PROKR1: variants seen among roughly 807,000 people sequenced by gnomAD.
The protein encoded by PROKR1 is G protein-coupled receptor 73.
A neutral mutation model predicts 22.8 loss-of-function variants in PROKR1; 21 were observed. The observed-to-expected ratio is 0.92, with a 90% CI of 0.65 to 1.32. PROKR1 has a LOEUF of 1.32. Among genes scored for constraint, PROKR1 ranks in the 40% most tolerant of loss-of-function variants. The pLI is 0.00. For missense variants in PROKR1, 548 were observed against 514.2 expected (o/e 1.07, Z -0.64); for synonymous variants, 193 against 207.5 (o/e 0.93, Z 0.60).
chr2:68,655,455 A>G lies in PROKR1; in HGVS notation c.1061A>G (p.Lys354Arg), dbSNP rs200051519. The change falls in exon 3 of 3, where the codon AAA becomes AGA. Residue 354 changes from lysine to arginine, a missense_variant. By Grantham distance (26) the Lys-to-Arg change is conservative (BLOSUM62 2). Coordinates refer to ENST00000303786, the MANE Select transcript of PROKR1 (RefSeq NM_138964.4). ...AAGAACGACACCGTCAAGTACTTCA[A>G]AAAGATCATGTTGCTCCACTGGAAG... is the stretch of plus-strand genomic sequence containing the variant. ...TVKNDTVKYFKKIMLLHWKAS... is the reference protein window; with the variant it reads ...TVKNDTVKYFRKIMLLHWKAS... 5.3e-5 allele frequency: 85 copies of G among 1,614,048 alleles called. No homozygotes were observed. Among genetic ancestry groups the G allele is most frequent in the Non-Finnish European group, 6.9e-5 (82 of 1,179,980 alleles).
At chr2:68,649,550 T>C (rs1035303517) in intron 2 of PROKR1, 5 of 152,234 alleles carry the variant, frequency 3.3e-5, no homozygotes, top group Non-Finnish European at 5.9e-5. Flanking sequence ...AACTCCTTGC[T>C]TTCCTGGAGC....
chr2:68,643,964 T>A (rs998042416), intron 1 of PROKR1, 116 bp downstream of exon 1: 3 of 152,404 alleles, frequency 2.0e-5, no homozygotes, highest in African/African-American at 7.2e-5. Context: ...GATTCACTCC[T>A]GTGAGTTTCT....
rs1414775113 is a variant in PROKR1 at position 68,649,800 on chromosome 2, A to G, written c.485+3494A>G. Among the ~76,000 whole-genome samples, 3 of 152,208 alleles carry G rather than the reference A, an allele frequency of 2.0e-5. No individual in the cohort carries two copies. In the East Asian group the frequency reaches 5.8e-4, roughly 29 times the overall value. ...TGGGAAGACAGGGAGCAAGCATCCC[A>G]GACAAGGGGGATTGTAAGTGAAAAG... On this transcript the variant is annotated intron_variant, in intron 2 of 2. Coordinates refer to ENST00000303786, the MANE Select transcript of PROKR1 (RefSeq NM_138964.4).
At position 68,645,579 on chromosome 2, in the gene PROKR1, A is replaced by AATT. The variant is rs1573332018; in HGVS notation, c.-160-83_-160-82insATT. On this transcript the variant is annotated intron_variant, in intron 1 of 2. Coordinates refer to ENST00000303786, the MANE Select transcript of PROKR1 (RefSeq NM_138964.4). ...TGTTCACTCTGGGCAGGGAGCTAAT[A>AATT]GGTCTGCTTAGGTTACAGGGTGGTT... 1.0e-5 allele frequency: 6 copies of AATT among 584,278 alleles called. No individual in the cohort carries two copies. The East Asian group carries it at 1.7e-4, about 17-fold the overall frequency. 36.2% of individuals were successfully genotyped at this position (584,278 alleles called of 1,614,324 possible).
intron 2 of PROKR1, among the ~76,000 whole-genome samples, chr2:68,650,524 G>C (rs1673293976): frequency 1.3e-5 from 2 of 152,188 alleles, no homozygotes; most frequent in South Asian, 4.1e-4. Flanking sequence ...GTGAGCCACT[G>C]TGTCCAGCCA....
rs1271648099 is a variant in PROKR1 at position 68,656,312 on chromosome 2, C to T, written c.*736C>T. On this transcript the variant is annotated 3_prime_UTR_variant, in exon 3 of 3. Transcript: ENST00000303786. ...CTGGAGTAAGTCCAGAGGGGGAAGC[C>T]TGGATTCAGGGTAAGCATGTCCCCT... 1 of 152,976 alleles carries T rather than the reference C, an allele frequency of 6.5e-6. No homozygotes were observed. The highest frequency in any genetic ancestry group is 1.5e-5 in the Non-Finnish European group (1 of 68,704). 9.5% of individuals were successfully genotyped at this position (152,976 alleles called of 1,614,324 possible).
chr2:68,649,521 C>T (rs1673264934), intron 2 of PROKR1: 1 of 152,118 alleles, frequency 6.6e-6, no homozygotes, highest in South Asian at 2.1e-4. Flanking sequence ...GGAGATACGA[C>T]AGTGAATAAG....
Position 68,654,986 on chromosome 2 carries a change from G to C in PROKR1, c.592G>C (p.Ala198Pro). The change falls in exon 3 of 3, where the codon GCC becomes CCC. Residue 198 changes from alanine (A) to proline (P), a missense_variant. Transcript: ENST00000303786. ...GTCCATCCTGATCGCCATCCCTTCC[G>C]CCTACTTCACCACCGAGACGGTCCT... ...TVSILIAIPSAYFTTETVLVI... is the reference protein window; with the variant it reads ...TVSILIAIPSPYFTTETVLVI... 6.2e-7 allele frequency: 1 copy of C among 1,612,034 alleles called. No homozygotes were observed. Among genetic ancestry groups the C allele is most frequent in the Non-Finnish European group, 8.5e-7 (1 of 1,179,564 alleles).
At chr2:68,647,097 G>GA (rs34291844) in intron 2 of PROKR1, among the ~76,000 whole-genome samples, 12,056 of 151,218 alleles carry the variant, frequency 0.08, 525 homozygotes, top group Middle Eastern at 0.11. Flanking sequence ...GATTTGTTTT[G>GA]AAAAAAAAGG....
chr2:68,653,275 G>T (rs910507196), intron 2 of PROKR1, among the ~76,000 whole-genome samples: 1 of 152,202 alleles, frequency 6.6e-6, no homozygotes, highest in Non-Finnish European at 1.5e-5. Context: ...TCGGCCGGGC[G>T]TCCAGAGTGG....
intron 2 of PROKR1, among the ~76,000 whole-genome samples, chr2:68,651,132 C>T (rs983237403): frequency 7.9e-5 from 12 of 151,930 alleles, no homozygotes; most frequent in Non-Finnish European, 7.4e-5. Context: ...GAGCCCTAGG[C>T]GGGAAGATCC....
At chr2:68,651,242 A>AG (rs1673318418) in intron 2 of PROKR1, among the ~76,000 whole-genome samples, 1 of 152,162 alleles carries the variant, frequency 6.6e-6, no homozygotes, top group Non-Finnish European at 1.5e-5. Context: ...ATGTGCCTGT[A>AG]GTCCCAGCTA....
At position 68,655,936 on chromosome 2, in the gene PROKR1, A is replaced by G. The variant is rs968061634; in HGVS notation, c.*360A>G. On this transcript the variant is annotated 3_prime_UTR_variant, in exon 3 of 3. Coordinates refer to ENST00000303786, the MANE Select transcript of PROKR1 (RefSeq NM_138964.4). ...AACTGGAGTAGGTATCTAGGATTGC[A>G]GTACATGTGTTCGTAGTGTGAGAGT... The G allele has an allele frequency of 1.4e-5, 5 of 356,306 alleles. No individual in the cohort carries two copies. The highest frequency in any genetic ancestry group is 4.2e-5 in the Admixed American group (1 of 23,812). The allele number at this position is 356,306 out of a possible 1,614,324, so 22.1% of individuals were successfully genotyped here. A position where few individuals can be genotyped will look rare whatever the true frequency, so the allele number is the denominator to read the frequency against.
intron 2 of PROKR1, among the ~76,000 whole-genome samples, chr2:68,652,402 C>T (rs80018406): frequency 0.062 from 9,468 of 152,246 alleles, 332 homozygotes; most frequent in Middle Eastern, 0.16. Flanking sequence ...TCATTTTCTG[C>T]AATTTACCTA....
intron 1 of PROKR1, among the ~76,000 whole-genome samples, chr2:68,644,656 G>T (rs1423437738): frequency 6.6e-6 from 1 of 152,168 alleles, no homozygotes; most frequent in African/African-American, 2.4e-5. Flanking sequence ...ACTCTGGCTT[G>T]CATTCTTCCC....
At position 68,655,816 on chromosome 2, in the gene PROKR1, T is replaced by C; in HGVS notation, c.*240T>C. The stretch of plus-strand genomic sequence containing the variant: ...CGCCAGTAGGTACTGGTAAAACCTA[T>C]ATATGTTGATGACATTTAGTTGGCA... On this transcript the variant is annotated 3_prime_UTR_variant, in exon 3 of 3. Coordinates refer to ENST00000303786, the MANE Select transcript of PROKR1 (RefSeq NM_138964.4). 3.6e-6 allele frequency: 2 copies of C among 557,682 alleles called. No individual in the cohort carries two copies. The highest frequency in any genetic ancestry group is 6.4e-6 in the Non-Finnish European group (2 of 310,528). The allele number at this position is 557,682 out of a possible 1,614,324, so 34.5% of individuals were successfully genotyped here.
chr2:68,643,997 C>T (rs1044710497), intron 1 of PROKR1, 149 bp downstream of exon 1: 1 of 152,364 alleles, frequency 6.6e-6, no homozygotes, highest in Non-Finnish European at 1.5e-5. Flanking sequence ...GGCTTCCCCT[C>T]CTCTGTCCTT....
At chr2:68,648,687 G>A (rs568984142) in intron 2 of PROKR1, among the ~76,000 whole-genome samples, 2 of 152,168 alleles carry the variant, frequency 1.3e-5, no homozygotes, top group Non-Finnish European at 2.9e-5. Context: ...GGTCTCACGT[G>A]TTGTTCAGGA....
Position 68,655,504 on chromosome 2 carries a change from C to T in PROKR1, c.1110C>T (p.Ser370=). The stretch of plus-strand genomic sequence containing the variant: ...AGGCTTCTTACAATGGCGGTAAGTC[C>T]AGTGCAGACCTGGACCTCAAGACAA... ...HWKASYNGGK[S]SADLDLKTIG... The change falls in exon 3 of 3, where the codon TCC becomes TCT. Residue 370 remains serine, a synonymous_variant. Coordinates refer to ENST00000303786, the MANE Select transcript of PROKR1 (RefSeq NM_138964.4). 1.9e-6 allele frequency: 3 copies of T among 1,614,214 alleles called. No homozygotes were observed. Among genetic ancestry groups the T allele is most frequent in the Non-Finnish European group, 2.5e-6 (3 of 1,180,030 alleles).
Sources: gnomAD v4.1 joint callset for allele counts (sites outside exome capture counted in the v4.1 genomes callset) on GRCh38, gnomAD v4.1.1 for gene constraint, MANE v1.5 for transcripts, NCBI Gene and HGNC (gene_info 2026-07-23, HGNC 2026-07-21) for gene names.